The following SHOX variants were observed in gnomAD, a reference collection of about 807,000 sequenced individuals.
SHOX encodes the protein short stature homeobox protein.
SHOX carries 12 observed loss-of-function variants against 29.6 expected under a neutral mutation model. That is an observed-to-expected ratio of 0.41 (90% CI 0.26 to 0.66). The LOEUF is 0.66. Ranked by LOEUF, SHOX falls within the 30% of genes least tolerant of loss-of-function variation. The pLI, the probability that SHOX is intolerant of heterozygous loss-of-function variation, is 0.35. For synonymous variants in SHOX, 214 were observed against 200.6 expected (o/e 1.07, Z -0.57); for missense variants, 499 against 437.7 (o/e 1.14, Z -1.25).
rs183690618 is a variant in SHOX at position 648,488 on chromosome X, C to T, written c.*3852C>T. Among the ~76,000 whole-genome samples, 1 of 152,198 alleles carries T rather than the reference C, an allele frequency of 6.6e-6. No homozygotes were observed. The highest frequency in any genetic ancestry group is 2.4e-5 in the African/African-American group (1 of 41,436). ...GTTGACCTGCCCGCTTTGTCCCTCG[C>T]AAAGTGCTGGGATTACAGGCGTGAG... On this transcript the variant is annotated 3_prime_UTR_variant, in exon 5 of 5. Transcript: ENST00000686671.
intron 1 of SHOX, among the ~76,000 whole-genome samples, chrX:634,386 A>C (rs748402670): frequency 6.6e-6 from 1 of 152,340 alleles, no homozygotes; most frequent in East Asian, 1.9e-4. Flanking sequence ...TGGATAATTG[A>C]GGAAACGATT....
chrX:654,317 A>G (rs779598243), downstream of SHOX, among the ~76,000 whole-genome samples: 1 of 152,166 alleles, frequency 6.6e-6, no homozygotes, highest in South Asian at 2.1e-4. Context: ...CACATTGTGC[A>G]CATGTACCCT....
At chrX:635,941 G>A (rs2124170276) in intron 2 of SHOX, among the ~76,000 whole-genome samples, 1 of 151,824 alleles carries the variant, frequency 6.6e-6, no homozygotes, top group Non-Finnish European at 1.5e-5. Flanking sequence ...AATTAAGATT[G>A]CCGACCAGAG....
chrX:626,249 T>G (rs1213637059), upstream of SHOX, among the ~76,000 whole-genome samples: 1 of 150,844 alleles, frequency 6.6e-6, no homozygotes, highest in Non-Finnish European at 1.5e-5. Flanking sequence ...TTTCTCTCTC[T>G]CCTCTCTCTC....
chrX:630,307 A>G (rs28445092), upstream of SHOX, among the ~76,000 whole-genome samples: 109,649 of 151,264 alleles, frequency 0.72, 40,026 homozygotes, highest in Non-Finnish European at 0.77. Context: ...GGGCGCCCGG[A>G]TCCCCCCCTC....
chrX:627,321 CAT>C (rs1269187177), upstream of SHOX, among the ~76,000 whole-genome samples: 9 of 152,268 alleles, frequency 5.9e-5, no homozygotes, highest in East Asian at 1.4e-3. Flanking sequence ...GGATTTCTAA[CAT>C]GTTATCAAGC....
Position 650,438 on chromosome X carries a change from A to G in SHOX, c.*5802A>G, listed in dbSNP as rs952485117. Among the ~76,000 whole-genome samples, 18 of 152,114 alleles carry G rather than the reference A, an allele frequency of 1.2e-4. No individual in the cohort carries two copies. The highest frequency in any genetic ancestry group is 8.5e-4 in the Admixed American group (13 of 15,268). On this transcript the variant is annotated 3_prime_UTR_variant, in exon 5 of 5. Transcript: ENST00000686671. ...CTTGGCCACGTCAGCACGTGGGAGC[A>G]TCTGTGGATACCGCAGAGTCTGGGG...
At position 644,448 on chromosome X, in the gene SHOX, C is replaced by T. The variant is rs1356005674; in HGVS notation, c.691C>T (p.His231Tyr). The T allele has an allele frequency of 9.2e-6, 14 of 1,522,570 alleles. No individual in the cohort carries two copies. Among genetic ancestry groups the T allele is most frequent in the African/African-American group, 1.4e-5 (1 of 70,262 alleles). The allele number at this position is 1,522,570 out of a possible 1,614,324, so 94.3% of individuals were successfully genotyped here. Residue 231 changes from histidine (H) to tyrosine (Y), a missense_variant, in exon 5 of 5, where the codon CAC becomes TAC. Coordinates refer to ENST00000686671, the MANE Select transcript of SHOX (RefSeq NM_000451.4). ...VAHAHPHLHP[H>Y]LAAHAPYLMF... Reference sequence around the variant, plus strand: ...CCACGCGCACCCGCACCTGCACCCGCACCTGGCGGCGCACGCGCCCTACCT... The same window carrying T: ...CCACGCGCACCCGCACCTGCACCCGTACCTGGCGGCGCACGCGCCCTACCT...
downstream of SHOX, among the ~76,000 whole-genome samples, chrX:655,604 CTCTCTCTCTCTATATATATATATATATA>C (rs1309014969): frequency 0.013 from 504 of 37,942 alleles, 2 homozygotes; most frequent in Admixed American, 0.025. Flanking sequence ...CTCTCTCTCT[CTCTCTCTCTCTATATATATATATATATA>C]TATATATATA....
chrX:639,893 C>T (rs1217782309), intron 2 of SHOX, among the ~76,000 whole-genome samples: 2 of 151,236 alleles, frequency 1.3e-5, no homozygotes, highest in Non-Finnish European at 2.9e-5. Context: ...TCCAGCTACT[C>T]GGGAGGCTGA....
rs754007899 is a variant in SHOX at position 651,276 on chromosome X, C to G, written c.*6640C>G. 2.0e-5 allele frequency: 9 copies of G among 455,836 alleles called. No individual in the cohort carries two copies. The highest frequency in any genetic ancestry group is 3.3e-4 in the Middle Eastern group (1 of 3,070). 28.2% of individuals were successfully genotyped at this position (455,836 alleles called of 1,614,324 possible). On this transcript the variant is annotated 3_prime_UTR_variant, in exon 5 of 5. Transcript: ENST00000686671. Reference sequence around the variant, plus strand: ...CCCCGCGTCCGGGTTACAAATACATCTACAGATATTTTCAGGGATTGCTTC... The same window carrying G: ...CCCCGCGTCCGGGTTACAAATACATGTACAGATATTTTCAGGGATTGCTTC...
At chrX:640,592 C>CAACAA (rs1556465671) in intron 2 of SHOX, among the ~76,000 whole-genome samples, 1 of 152,050 alleles carries the variant, frequency 6.6e-6, no homozygotes, top group Non-Finnish European at 1.5e-5. Flanking sequence ...ACCACCACCA[C>CAACAA]AACAAAACAA....
chrX:653,905 T>C (rs1320550493), downstream of SHOX, among the ~76,000 whole-genome samples: 1 of 148,800 alleles, frequency 6.7e-6, no homozygotes, highest in Non-Finnish European at 1.5e-5. Context: ...AAGCCTTTGT[T>C]CTTGGAGTTG....
intron 2 of SHOX, among the ~76,000 whole-genome samples, chrX:638,684 G>T (rs1378098796): frequency 6.6e-6 from 1 of 152,184 alleles, no homozygotes; most frequent in African/African-American, 2.4e-5. Context: ...TTCACGTTGC[G>T]CTGTGTAGAC....
At chrX:659,297 G>A (rs1264937987) in exon 6 of SHOX, 1 of 151,926 alleles carries the variant, frequency 6.6e-6, no homozygotes, top group Non-Finnish European at 1.5e-5. Flanking sequence ...TTGCTGCTGA[G>A]GCTGGTCTTG....
At chrX:631,989 T>C (rs1407052952) in intron 1 of SHOX, 1 of 456,076 alleles carries the variant, frequency 2.2e-6, no homozygotes, top group African/African-American at 2.0e-5. Context: ...GGCTGCGTGG[T>C]AGGAGACGGG....
intron 2 of SHOX, 96 bp downstream of exon 2, chrX:634,922 C>T (rs1403462492): frequency 4.5e-6 from 6 of 1,320,040 alleles, no homozygotes; most frequent in African/African-American, 1.5e-5. Context: ...CGGGCCGCCG[C>T]CGTCCCCTTC....
chrX:636,277 T>C (rs1372590593), intron 2 of SHOX, among the ~76,000 whole-genome samples: 4 of 141,844 alleles, frequency 2.8e-5, no homozygotes, highest in Admixed American at 1.4e-4. Flanking sequence ...TATATAAACA[T>C]ATATAATATA....
intron 1 of SHOX, 137 bp from the exon 2 acceptor site, chrX:634,481 T>C (rs1467344568): frequency 1.7e-5 from 15 of 887,646 alleles, no homozygotes; most frequent in Non-Finnish European, 2.7e-5. Flanking sequence ...TTTTGCCTTA[T>C]GGACCCCACG....
Sources: gnomAD v4.1 joint callset for allele counts (sites outside exome capture counted in the v4.1 genomes callset) on GRCh38, gnomAD v4.1.1 for gene constraint, MANE v1.5 for transcripts, NCBI Gene and HGNC (gene_info 2026-07-23, HGNC 2026-07-21) for gene names.